The following TIAM1 variants were observed in gnomAD, a reference collection of about 807,000 sequenced individuals.
TIAM1 encodes the protein TIAM Rac1 associated GEF 1.
Under a neutral mutation model 163.5 loss-of-function variants are expected in TIAM1, and 65 were observed. That is an observed-to-expected ratio of 0.40 (90% CI 0.33 to 0.49). The LOEUF (loss-of-function observed/expected upper bound fraction) is 0.49. Among genes scored for constraint, TIAM1 ranks in the 20% least tolerant of loss-of-function variants. The pLI, the probability that TIAM1 is intolerant of heterozygous loss-of-function variation, is 0.77. For missense variants in TIAM1, 1,789 were observed against 2,044.7 expected (o/e 0.87, Z 2.41); for synonymous variants, 833 against 810.1 (o/e 1.03, Z -0.48).
chr21:31,141,105 T>G lies in TIAM1; in HGVS notation c.3774+13A>C. On this transcript the variant is annotated intron_variant, in intron 22 of 27. Transcript: ENST00000541036. This position sits in a 1 kb window ranked among gnomAD's most constrained non-coding sequence, Gnocchi z 4.7. ...TTTCCTGACAGATGTCCTGAGAAGA[T>G]GGGGACCCTCACCTCTTTTTTCTCA... 1 of 1,601,420 alleles carries G rather than the reference T, an allele frequency of 6.2e-7. No homozygotes were observed.
chr21:31,443,465 C>T (rs565747606), intron 2 of TIAM1, among the ~76,000 whole-genome samples: 14 of 152,256 alleles, frequency 9.2e-5, no homozygotes, highest in African/African-American at 3.1e-4. Flanking sequence ...GTTTTTTAAA[C>T]GTTATCATGC....
chr21:31,138,850 T>C (rs531161098), intron 22 of TIAM1, among the ~76,000 whole-genome samples: 1 of 152,334 alleles, frequency 6.6e-6, no homozygotes, highest in East Asian at 1.9e-4. Flanking sequence ...TCGTTTGTCT[T>C]ATCCTTCCAC....
Position 31,422,286 on chromosome 21 carries a change from C to T in TIAM1, c.-369+41697G>A, listed in dbSNP as rs189185416. Among the ~76,000 whole-genome samples, 15 of 152,242 alleles carry T rather than the reference C, an allele frequency of 9.9e-5. No homozygotes were observed. The East Asian group carries it at 1.4e-3, about 14-fold the overall frequency. Reference sequence around the variant, plus strand: ...AAGAACACATGTTACTTTACAGCTCCGTCTCAGGATACGTATCAAGGATGG... The same window carrying T: ...AAGAACACATGTTACTTTACAGCTCTGTCTCAGGATACGTATCAAGGATGG... On this transcript the variant is annotated intron_variant, in intron 2 of 28. Coordinates refer to the TIAM1 transcript ENST00000286827.
chr21:31,321,469 C>T (rs1400005487), intron 2 of TIAM1, among the ~76,000 whole-genome samples: 1 of 152,116 alleles, frequency 6.6e-6, no homozygotes. Flanking sequence ...TCTCCTTCCT[C>T]AGCCTCCAGG....
intron 1 of TIAM1, among the ~76,000 whole-genome samples, chr21:31,512,402 AATTTT>A (rs1464701075): frequency 6.6e-6 from 1 of 151,950 alleles, no homozygotes; most frequent in African/African-American, 2.4e-5. Flanking sequence ...ATCTGGCCAC[AATTTT>A]ATTTTTACTG....
At chr21:31,293,537 GA>G (rs1412082205) in intron 2 of TIAM1, among the ~76,000 whole-genome samples, 1 of 152,140 alleles carries the variant, frequency 6.6e-6, no homozygotes, top group African/African-American at 2.4e-5. Flanking sequence ...TTAGCCAAAG[GA>G]AGAAAGAGAA....
chr21:31,185,086 G>T (rs574074896), intron 14 of TIAM1, among the ~76,000 whole-genome samples: 17 of 152,230 alleles, frequency 1.1e-4, no homozygotes, highest in African/African-American at 4.1e-4. Context: ...CAGATGCAAG[G>T]TAAGTACATC....
At chr21:31,418,620 G>A (rs1317464638) in intron 2 of TIAM1, among the ~76,000 whole-genome samples, 3 of 152,152 alleles carry the variant, frequency 2.0e-5, no homozygotes, top group Admixed American at 1.3e-4. Context: ...CTCCACAGAA[G>A]CTATTAGAAA....
At chr21:31,276,347 T>G (rs192405852) in intron 3 of TIAM1, among the ~76,000 whole-genome samples, 203 of 152,308 alleles carry the variant, frequency 1.3e-3, no homozygotes, top group African/African-American at 4.4e-3. Flanking sequence ...CTGTGTTTAT[T>G]TTTACTTTTC....
At chr21:31,208,843 G>A (rs1393448505) in intron 11 of TIAM1, among the ~76,000 whole-genome samples, 2 of 152,150 alleles carry the variant, frequency 1.3e-5, no homozygotes, top group Non-Finnish European at 2.9e-5. Flanking sequence ...TGCGGAGGTA[G>A]TGAAAGTCAT....
chr21:31,402,113 T>A (rs945504229), intron 2 of TIAM1, among the ~76,000 whole-genome samples: 6 of 151,822 alleles, frequency 4.0e-5, no homozygotes, highest in Non-Finnish European at 7.4e-5. Flanking sequence ...CTTGGGAGGC[T>A]GAGGCAGGAG....
chr21:31,411,453 T>C (rs1360759493), intron 2 of TIAM1, among the ~76,000 whole-genome samples: 1 of 145,776 alleles, frequency 6.9e-6, no homozygotes, highest in Non-Finnish European at 1.5e-5. Context: ...TGTATACATG[T>C]GGCCATTTCC....
At chr21:31,534,974 T>C (rs866090414) in intron 1 of TIAM1, among the ~76,000 whole-genome samples, 1 of 151,926 alleles carries the variant, frequency 6.6e-6, no homozygotes. Context: ...GCACCAGCCC[T>C]GGCTACTTGG....
intron 8 of TIAM1, among the ~76,000 whole-genome samples, chr21:31,222,363 GAGA>G (rs1168719107): frequency 2.0e-5 from 3 of 152,100 alleles, no homozygotes; most frequent in African/African-American, 7.2e-5. Flanking sequence ...AGCAATTTTT[GAGA>G]AGGAGCCAAA....
At chr21:31,172,770 G>C (rs911371517) in intron 15 of TIAM1, among the ~76,000 whole-genome samples, 1 of 152,124 alleles carries the variant, frequency 6.6e-6, no homozygotes. Flanking sequence ...TGAGAGGTTA[G>C]AGCAGGAGAT....
intron 1 of TIAM1, among the ~76,000 whole-genome samples, chr21:31,538,319 G>A (rs1335034252): frequency 2.0e-5 from 3 of 152,132 alleles, no homozygotes; most frequent in Non-Finnish European, 4.4e-5. Context: ...GAGACAGAAG[G>A]AATGCATGAG....
chr21:31,316,116 A>C (rs1020027058), intron 2 of TIAM1, among the ~76,000 whole-genome samples: 5 of 152,170 alleles, frequency 3.3e-5, no homozygotes, highest in Non-Finnish European at 5.9e-5. Context: ...CCACTGTATT[A>C]AGATTCTGGG....
chr21:31,436,234 C>T (rs965429141), intron 2 of TIAM1, among the ~76,000 whole-genome samples: 13 of 152,304 alleles, frequency 8.5e-5, no homozygotes, highest in African/African-American at 2.9e-4. Context: ...ACAAGCACCA[C>T]GTAATATACA....
intron 1 of TIAM1, among the ~76,000 whole-genome samples, chr21:31,343,188 C>A (rs528579430): frequency 1.3e-5 from 2 of 152,278 alleles, no homozygotes; most frequent in South Asian, 4.1e-4. Flanking sequence ...AGTTGTTGAT[C>A]AGGTATGAAA....
Sources: allele counts gnomAD v4.1 joint callset (sites outside exome capture counted in the v4.1 genomes callset), GRCh38; gene constraint gnomAD v4.1.1; non-coding constraint Gnocchi (gnomAD v3.1); transcripts MANE v1.5; gene names NCBI Gene and HGNC (gene_info 2026-07-23, HGNC 2026-07-21).